The following ZNF33A variants were observed in gnomAD, a reference collection of about 807,000 sequenced individuals.
ZNF33A encodes the protein zinc finger protein 33A.
A neutral mutation model predicts 15.9 loss-of-function variants in ZNF33A; 9 were observed. The observed-to-expected ratio is 0.57, with a 90% confidence interval of 0.34 to 0.99. The LOEUF is 0.99. Among genes scored for constraint, ZNF33A ranks in the 50% least tolerant of loss-of-function variants. The pLI is 0.02. For missense variants in ZNF33A, 843 were observed against 941.6 expected (o/e 0.90, Z 1.37); for synonymous variants, 294 against 324.2 (o/e 0.91, Z 1.00).
chr10:38,047,205 A>AG (rs2065984394), intron 4 of ZNF33A, among the ~76,000 whole-genome samples: 1 of 146,986 alleles, frequency 6.8e-6, no homozygotes, highest in Admixed American at 6.9e-5. Context: ...AAAAAAAAAA[A>AG]AAAAAAAAGA....
rs116903736 is a variant in ZNF33A at position 38,056,897 on chromosome 10, A to G, written c.*337A>G. ...ACCTAACAATAATTTATAGATGTAT[A>G]TTGTGGAATGTAAAGCTTTAAGAAC... On this transcript the variant is annotated 3_prime_UTR_variant, in exon 5 of 5. Transcript: ENST00000432900. The G allele has an allele frequency of 6.3e-3, 6,185 of 989,454 alleles. 57 individuals carry two copies. Among genetic ancestry groups the G allele is most frequent in the East Asian group, 0.051 (588 of 11,552 alleles). The allele number at this position is 989,454 out of a possible 1,614,324, so 61.3% of individuals were successfully genotyped here.
chr10:38,034,525 A>G (rs1157730801), intron 4 of ZNF33A, among the ~76,000 whole-genome samples: 1 of 152,198 alleles, frequency 6.6e-6, no homozygotes, highest in Admixed American at 6.5e-5. Flanking sequence ...TATATCAAGC[A>G]TGCATACTGT....
At chr10:38,026,263 C>A (rs1000907808) in intron 4 of ZNF33A, among the ~76,000 whole-genome samples, 1 of 15,394 alleles carries the variant, frequency 6.5e-5, no homozygotes, top group Non-Finnish European at 1.3e-4. Context: ...GAGTAGAATT[C>A]TTTTATCAAA....
At position 38,058,770 on chromosome 10, in the gene ZNF33A, C is replaced by CA. The variant is rs1207392551; in HGVS notation, c.*2216dup. The CA allele has an allele frequency of 6.6e-6, 1 of 152,134 alleles. No individual in the cohort carries two copies. Among genetic ancestry groups the CA allele is most frequent in the African/African-American group, 2.4e-5 (1 of 41,430 alleles). The allele number at this position is 152,134 out of a possible 1,614,324, so 9.4% of individuals were successfully genotyped here. ...TGGGTGACAGAATGAGACTGCATCT[C>CA]AAAAAATAATAATGAAACTTTCCAA... On this transcript the variant is annotated 3_prime_UTR_variant, in exon 5 of 5. Coordinates refer to ENST00000432900, the MANE Select transcript of ZNF33A (RefSeq NM_006954.2).
At chr10:38,062,962 C>T (rs919064634), downstream of ZNF33A, among the ~76,000 whole-genome samples, 4 of 139,770 alleles carry the variant, frequency 2.9e-5, no homozygotes, top group East Asian at 2.1e-4. Flanking sequence ...GAGATCACGC[C>T]GCTGCACTCC....
At chr10:38,062,478 G>A (rs558272890), downstream of ZNF33A, among the ~76,000 whole-genome samples, 5 of 152,282 alleles carry the variant, frequency 3.3e-5, no homozygotes, top group South Asian at 6.2e-4. Flanking sequence ...CCAATGCTGC[G>A]TAAGACATTT....
chr10:38,041,726 A>G (rs1038658769), intron 4 of ZNF33A, among the ~76,000 whole-genome samples: 1 of 152,182 alleles, frequency 6.6e-6, no homozygotes, highest in South Asian at 2.1e-4. Flanking sequence ...AGTAAGTATA[A>G]TGTAAACATT....
At position 38,039,030 on chromosome 10, in the gene ZNF33A, AT is replaced by A. The variant is rs532368344; in HGVS notation, c.251-15337del. On this transcript the variant is annotated intron_variant, in intron 4 of 4. Coordinates refer to ENST00000432900, the MANE Select transcript of ZNF33A (RefSeq NM_006954.2). ...CTGTAATCATGACACATGGATCTGT[AT>A]TTTTTTTCATGTCTGATTTTGGTAC... 4.1e-3 allele frequency among the ~76,000 whole-genome samples: 625 copies of A among 151,832 alleles called. 3 individuals are homozygous for A. Among genetic ancestry groups the A allele is most frequent in the African/African-American group, 0.014 (595 of 41,428 alleles).
In ZNF33A at chr10:38,056,989, C is replaced by T. The variant is rs1486190081; in HGVS notation, c.*429C>T. The T allele has an allele frequency of 6.0e-6, 5 of 831,688 alleles. No individual in the cohort carries two copies. Among genetic ancestry groups the T allele is most frequent in the Non-Finnish European group, 7.3e-6 (5 of 688,150 alleles). 51.5% of individuals were successfully genotyped at this position (831,688 alleles called of 1,614,324 possible). A position where few individuals can be genotyped will look rare whatever the true frequency, so the allele number is the denominator to read the frequency against. Reference sequence around the variant, plus strand: ...AATGAGTAGAGAGAATTCCCATGTACACTTCACCAAACTTCCTCTAAGGAT... The same window carrying T: ...AATGAGTAGAGAGAATTCCCATGTATACTTCACCAAACTTCCTCTAAGGAT... On this transcript the variant is annotated 3_prime_UTR_variant, in exon 5 of 5. Coordinates refer to ENST00000432900, the MANE Select transcript of ZNF33A (RefSeq NM_006954.2).
chr10:38,042,236 GTGCAGTGGCA>G (rs1313005343), intron 4 of ZNF33A, among the ~76,000 whole-genome samples: 1 of 151,776 alleles, frequency 6.6e-6, no homozygotes, highest in East Asian at 1.9e-4. Flanking sequence ...CCAGGCTGGA[GTGCAGTGGCA>G]CCATCTGGGC....
In ZNF33A at chr10:38,057,378, C is replaced by T; in HGVS notation, c.*818C>T. 2 of 985,364 alleles carry T rather than the reference C, an allele frequency of 2.0e-6. No individual in the cohort carries two copies. The highest frequency in any genetic ancestry group is 2.4e-6 in the Non-Finnish European group (2 of 829,924). The allele number at this position is 985,364 out of a possible 1,614,324, so 61.0% of individuals were successfully genotyped here. A position where few individuals can be genotyped will look rare whatever the true frequency, so the allele number is the denominator to read the frequency against. ...ATAAATTGAATAATCAGGGCAATAGCATTAAGCACATCTGCGAATTATCCC... is the reference window on the plus strand; with the variant it reads ...ATAAATTGAATAATCAGGGCAATAGTATTAAGCACATCTGCGAATTATCCC... On this transcript the variant is annotated 3_prime_UTR_variant, in exon 5 of 5. Coordinates refer to ENST00000432900, the MANE Select transcript of ZNF33A (RefSeq NM_006954.2).
intron 4 of ZNF33A, among the ~76,000 whole-genome samples, chr10:38,040,708 T>C (rs2065661076): frequency 6.6e-6 from 1 of 152,232 alleles, no homozygotes; most frequent in Non-Finnish European, 1.5e-5. Context: ...AGACAGCACA[T>C]GTTTGGATTT....
In ZNF33A at chr10:38,054,822, T is replaced by C; in HGVS notation, c.698T>C (p.Val233Ala). The C allele has an allele frequency of 6.2e-7, 1 of 1,613,566 alleles. No individual in the cohort carries two copies. Among genetic ancestry groups the C allele is most frequent in the Non-Finnish European group, 8.5e-7 (1 of 1,179,976 alleles). The change falls in exon 5 of 5, where the codon GTA (valine) becomes GCA (alanine). Residue 233 changes from valine to alanine, a missense_variant. Physicochemically the swap from Val to Ala is moderately conservative, Grantham distance 64 (BLOSUM62 0). Transcript: ENST00000432900. ...CAGGAAACCCTCCTTGAAAAGGCAG[T>C]ATTCAATACACAGAAGAGAGAGAAC... The part of the protein sequence containing the change: ...ICQETLLEKA[V>A]FNTQKRENAE...
At chr10:38,038,854 T>C (rs1455132731) in intron 4 of ZNF33A, among the ~76,000 whole-genome samples, 1 of 152,222 alleles carries the variant, frequency 6.6e-6, no homozygotes, top group Non-Finnish European at 1.5e-5. Flanking sequence ...GTGGTTATTG[T>C]TTCTTTTCTC....
At chr10:38,042,503 CTTT>C (rs34942508) in intron 4 of ZNF33A, among the ~76,000 whole-genome samples, 1 of 135,520 alleles carries the variant, frequency 7.4e-6, no homozygotes, top group African/African-American at 2.8e-5. Context: ...TTGCTTTATT[CTTT>C]TTTTTTTTTT....
rs751679125 is a variant in ZNF33A at position 38,055,004 on chromosome 10, C to T, written c.880C>T (p.His294Tyr). The T allele has an allele frequency of 3.1e-6, 5 of 1,614,102 alleles. No individual in the cohort carries two copies. In the East Asian group the frequency reaches 6.7e-5, roughly 22 times the overall value. ...TGTGAAGTCCACCCTTTCTAAACCT[C>T]ATGGGGTATCTATGAAACACTATGA... ...LCVKSTLSKPHGVSMKHYDCG... is the reference protein window; with the variant it reads ...LCVKSTLSKPYGVSMKHYDCG... Residue 294 changes from histidine (H) to tyrosine (Y), a missense_variant, in exon 5 of 5, where the codon CAT becomes TAT. By Grantham distance (83) the His-to-Tyr change is moderately conservative (BLOSUM62 2). Coordinates refer to ENST00000432900, the MANE Select transcript of ZNF33A (RefSeq NM_006954.2).
At chr10:38,036,749 GACA>G (rs2065471034) in intron 4 of ZNF33A, among the ~76,000 whole-genome samples, 1 of 152,102 alleles carries the variant, frequency 6.6e-6, no homozygotes, top group African/African-American at 2.4e-5. Context: ...AATGCCATAA[GACA>G]ACAAAATAAG....
chr10:38,012,297 G>A lies in ZNF33A; in HGVS notation c.-44-1G>A, dbSNP rs763881513. 1 of 1,609,904 alleles carries A rather than the reference G, an allele frequency of 6.2e-7. No individual in the cohort carries two copies. The highest frequency in any genetic ancestry group is 8.5e-7 in the Non-Finnish European group (1 of 1,178,906). On this transcript the variant is annotated splice_acceptor_variant, in intron 1 of 4. Transcript: ENST00000432900. LOFTEE classifies it low-confidence loss of function (5UTR_SPLICE). ...ACCCCATTCCTCTTTTTCTAACTCA[G>A]CTGTATCTTCAGAGTTGTCTCCGTC... is the stretch of plus-strand genomic sequence containing the variant.
chr10:38,035,111 C>CTTTTTTTTTTTTT (rs71007683), intron 4 of ZNF33A, among the ~76,000 whole-genome samples: 9 of 85,768 alleles, frequency 1.0e-4, no homozygotes, highest in East Asian at 4.3e-4. Flanking sequence ...CATTTACTTT[C>CTTTTTTTTTTTTT]TTTTTTTTTT....
Sources: gnomAD v4.1 joint callset for allele counts (sites outside exome capture counted in the v4.1 genomes callset) on GRCh38, gnomAD v4.1.1 for gene constraint, MANE v1.5 for transcripts, NCBI Gene and HGNC (gene_info 2026-07-23, HGNC 2026-07-21) for gene names.